The following GRM5 variants were observed in gnomAD, a reference collection of about 807,000 sequenced individuals.
The protein encoded by GRM5 is metabotropic glutamate receptor 5.
GRM5 carries 19 observed loss-of-function variants against 83.1 expected under a neutral mutation model. The observed-to-expected ratio is 0.23, with a 90% confidence interval of 0.16 to 0.34. GRM5 has a LOEUF of 0.34. Among genes scored for constraint, GRM5 ranks in the 10% least tolerant of loss-of-function variants. GRM5 has a pLI of 1.00. For missense variants in GRM5, 1,160 were observed against 1,588.3 expected, an observed-to-expected ratio of 0.73 and a Z score of 4.58; for synonymous variants, 675 against 633.6, an observed-to-expected ratio of 1.07 and a Z score of -0.98.
chr11:88,780,708 T>A (rs1441392157), intron 3 of GRM5, among the ~76,000 whole-genome samples: 1 of 151,422 alleles, frequency 6.6e-6, no homozygotes, highest in East Asian at 1.9e-4. Flanking sequence ...AAAAATGTTG[T>A]AAAGATGGGG....
intron 2 of GRM5, among the ~76,000 whole-genome samples, chr11:89,026,631 A>C (rs1448797381): frequency 6.6e-6 from 1 of 152,228 alleles, no homozygotes; most frequent in Non-Finnish European, 1.5e-5. Flanking sequence ...ATGTGAAAAT[A>C]AAATGAGATT....
chr11:89,054,682 C>A (rs1261881114), intron 1 of GRM5, among the ~76,000 whole-genome samples: 2 of 151,868 alleles, frequency 1.3e-5, no homozygotes, highest in Non-Finnish European at 2.9e-5. Flanking sequence ...GGAGACTGAA[C>A]GATTTTTTGA....
At chr11:88,953,316 C>G (rs1036746414) in intron 2 of GRM5, among the ~76,000 whole-genome samples, 1 of 152,168 alleles carries the variant, frequency 6.6e-6, no homozygotes, top group Non-Finnish European at 1.5e-5. Context: ...CACATCTATG[C>G]CAGTAGATTA....
intron 2 of GRM5, among the ~76,000 whole-genome samples, chr11:89,031,337 T>C (rs1941257584): frequency 6.6e-6 from 1 of 151,950 alleles, no homozygotes; most frequent in Non-Finnish European, 1.5e-5. Context: ...TGTACAAGAA[T>C]TTAATCTTTT....
In GRM5 at chr11:88,901,203, T is replaced by C. The variant is rs367943968; in HGVS notation, c.662-51048A>G. 2.6e-5 allele frequency among the ~76,000 whole-genome samples: 4 copies of C among 152,112 alleles called. No individual in the cohort carries two copies. The East Asian group carries it at 5.8e-4, about 22-fold the overall frequency. On this transcript the variant is annotated intron_variant, in intron 2 of 9. Transcript: ENST00000305447. ...GTCATTTTCTGGTATGTCGGTTTCCTTATCAATGGAAAAATAATGGTTTGG... is the reference window on the plus strand; with the variant it reads ...GTCATTTTCTGGTATGTCGGTTTCCCTATCAATGGAAAAATAATGGTTTGG...
intron 2 of GRM5, among the ~76,000 whole-genome samples, chr11:88,979,312 C>G (rs1027867703): frequency 6.6e-6 from 1 of 152,138 alleles, no homozygotes; most frequent in Non-Finnish European, 1.5e-5. Context: ...GTTTATTGAA[C>G]TTTTGATTCC....
At chr11:88,611,241 G>C (rs1445212983) in intron 4 of GRM5, among the ~76,000 whole-genome samples, 1 of 152,156 alleles carries the variant, frequency 6.6e-6, no homozygotes, top group East Asian at 1.9e-4. Context: ...GAATGAGTTA[G>C]GGAGGAGTAC....
chr11:88,765,960 C>T (rs907663212), intron 3 of GRM5, among the ~76,000 whole-genome samples: 1 of 151,460 alleles, frequency 6.6e-6, no homozygotes, highest in African/African-American at 2.4e-5. Context: ...GACTTATATC[C>T]AGAAAATATA....
At chr11:88,569,383 A>T (rs1210767639) in intron 7 of GRM5, among the ~76,000 whole-genome samples, 1 of 152,224 alleles carries the variant, frequency 6.6e-6, no homozygotes, top group African/African-American at 2.4e-5. Context: ...TTGCATGTCA[A>T]TATCTATTCT....
intron 4 of GRM5, among the ~76,000 whole-genome samples, chr11:88,635,444 T>C (rs776514819): frequency 2.6e-5 from 4 of 152,368 alleles, no homozygotes; most frequent in Non-Finnish European, 4.4e-5. Flanking sequence ...ACTTTTCATA[T>C]ATCTGTTGGA....
chr11:88,937,288 T>C (rs575342071), intron 2 of GRM5, among the ~76,000 whole-genome samples: 1 of 151,848 alleles, frequency 6.6e-6, no homozygotes, highest in Admixed American at 6.6e-5. Flanking sequence ...GTAAATGATA[T>C]TAGTAATGAT....
chr11:88,913,819 T>G (rs972016920), intron 2 of GRM5, among the ~76,000 whole-genome samples: 10 of 152,022 alleles, frequency 6.6e-5, no homozygotes, highest in Non-Finnish European at 1.3e-4. Context: ...ACTCCTGACT[T>G]CAAGTGTTTT....
chr11:88,733,443 C>T (rs1040272813), intron 3 of GRM5, among the ~76,000 whole-genome samples: 1 of 151,916 alleles, frequency 6.6e-6, no homozygotes, highest in Non-Finnish European at 1.5e-5. Context: ...TCAGACTATG[C>T]ATTGTGAGGG....
chr11:88,983,545 C>T (rs574915128), intron 2 of GRM5, among the ~76,000 whole-genome samples: 21 of 152,276 alleles, frequency 1.4e-4, no homozygotes, highest in Admixed American at 9.2e-4. Context: ...ACCTCCTGTG[C>T]TGCCAGTCTC....
At chr11:88,850,965 T>C (rs1207921498) in intron 2 of GRM5, among the ~76,000 whole-genome samples, 5 of 152,118 alleles carry the variant, frequency 3.3e-5, no homozygotes, top group African/African-American at 7.2e-5. Context: ...CAATAAAATA[T>C]TGATGTAGCT....
At chr11:88,593,886 C>G (rs970277055) in intron 6 of GRM5, among the ~76,000 whole-genome samples, 2 of 150,868 alleles carry the variant, frequency 1.3e-5, no homozygotes, top group African/African-American at 2.4e-5. Flanking sequence ...CTCCTCCTCC[C>G]GGGTTCACGC....
At chr11:88,603,029 AG>A (rs1938042350) in intron 5 of GRM5, among the ~76,000 whole-genome samples, 1 of 152,218 alleles carries the variant, frequency 6.6e-6, no homozygotes, top group Non-Finnish European at 1.5e-5. Flanking sequence ...TAGTAGTGCA[AG>A]GATAGACTCA....
chr11:88,898,270 C>A (rs189177024), intron 2 of GRM5, among the ~76,000 whole-genome samples: 1 of 151,736 alleles, frequency 6.6e-6, no homozygotes, highest in Non-Finnish European at 1.5e-5. Flanking sequence ...ATGTTTAACT[C>A]GATTAATAAT....
At chr11:88,916,754 G>T (rs1200635422) in intron 2 of GRM5, among the ~76,000 whole-genome samples, 1 of 55,170 alleles carries the variant, frequency 1.8e-5, no homozygotes, top group African/African-American at 6.0e-5. Flanking sequence ...AATTCCTCCA[G>T]CTTGAGGAAA....
Sources: gnomAD v4.1 joint callset for allele counts (sites outside exome capture counted in the v4.1 genomes callset) on GRCh38, gnomAD v4.1.1 for gene constraint, MANE v1.5 for transcripts, NCBI Gene and HGNC (gene_info 2026-07-23, HGNC 2026-07-21) for gene names.